OXR1: variants seen among roughly 807,000 people sequenced by gnomAD.
OXR1 encodes the protein oxidation resistance protein 1.
OXR1 carries 41 observed loss-of-function variants against 104.6 expected under a neutral mutation model. That is an observed-to-expected ratio of 0.39 (90% CI 0.31 to 0.51). The LOEUF is 0.51. Among genes scored for constraint, OXR1 ranks in the 20% least tolerant of loss-of-function variants. The probability of loss-of-function intolerance (pLI) is 0.77; values close to 1 mark genes in which losing one functional copy is unlikely to be tolerated. For missense variants in OXR1, 955 were observed against 1,031.9 expected, an observed-to-expected ratio of 0.93 and a Z score of 1.02; for synonymous variants, 348 against 348.4, an observed-to-expected ratio of 1.00 and a Z score of 0.01.
chr8:106,303,405 ATT>A (rs1813343297), intron 1 of OXR1, among the ~76,000 whole-genome samples: 1 of 149,436 alleles, frequency 6.7e-6, no homozygotes, highest in Non-Finnish European at 1.5e-5. Flanking sequence ...CGCCCGGCTA[ATT>A]TTTTGTATTT....
chr8:106,321,929 T>G (rs544399174), intron 1 of OXR1, among the ~76,000 whole-genome samples: 3 of 152,336 alleles, frequency 2.0e-5, no homozygotes, highest in African/African-American at 7.2e-5. Flanking sequence ...CAACTTTATA[T>G]ATCTTCATTA....
At position 106,752,062 on chromosome 8, in the gene OXR1, T is replaced by C. The variant is rs1835922697; in HGVS notation, c.*1121T>C. On this transcript the variant is annotated 3_prime_UTR_variant, in exon 17 of 17. Transcript: ENST00000517566. ...CACTAGTAGTTCTTATCCTCTTTTG[T>C]AGGAAACCAATAATAGCCATTGTGG... 1.3e-5 allele frequency: 2 copies of C among 152,552 alleles called. No individual in the cohort carries two copies. Among genetic ancestry groups the C allele is most frequent in the Non-Finnish European group, 2.9e-5 (2 of 67,950 alleles). The allele number at this position is 152,552 out of a possible 1,614,324, so 9.4% of individuals were successfully genotyped here.
chr8:106,341,816 A>G (rs1391764061), intron 1 of OXR1, among the ~76,000 whole-genome samples: 2 of 151,026 alleles, frequency 1.3e-5, no homozygotes, highest in Non-Finnish European at 2.9e-5. Context: ...GCCTCAGAGG[A>G]GGTTTTCTCC....
At chr8:106,660,178 C>G (rs1326010665) in intron 3 of OXR1, among the ~76,000 whole-genome samples, 2 of 152,208 alleles carry the variant, frequency 1.3e-5, no homozygotes, top group African/African-American at 4.8e-5. Flanking sequence ...TGAAAACTAG[C>G]TGACTTTTGA....
At chr8:106,388,747 A>G (rs761270944) in intron 2 of OXR1, among the ~76,000 whole-genome samples, 1 of 152,148 alleles carries the variant, frequency 6.6e-6, no homozygotes, top group Admixed American at 6.5e-5. Context: ...TTGAGCTTCA[A>G]TAGCACAGGA....
intron 3 of OXR1, among the ~76,000 whole-genome samples, chr8:106,632,235 G>A (rs778344278): frequency 6.6e-6 from 1 of 152,144 alleles, no homozygotes; most frequent in Non-Finnish European, 1.5e-5. Context: ...CCTTCAAGTG[G>A]TGTCTTCAAG....
At chr8:106,590,705 C>G (rs1252329814) in intron 3 of OXR1, among the ~76,000 whole-genome samples, 1 of 152,218 alleles carries the variant, frequency 6.6e-6, no homozygotes, top group Non-Finnish European at 1.5e-5. Context: ...TTGTACCAGC[C>G]TCTTCTTTCC....
At chr8:106,454,489 G>T (rs1213035227) in intron 2 of OXR1, among the ~76,000 whole-genome samples, 2 of 150,278 alleles carry the variant, frequency 1.3e-5, no homozygotes, top group African/African-American at 4.9e-5. Context: ...AATTATATAT[G>T]TATATATATA....
intron 1 of OXR1, among the ~76,000 whole-genome samples, chr8:106,283,216 G>T (rs1167802335): frequency 6.6e-6 from 1 of 152,208 alleles, no homozygotes; most frequent in Non-Finnish European, 1.5e-5. Context: ...TTCTCTGTGG[G>T]CTTTCTACAG....
At chr8:106,533,661 T>C (rs779716039) in intron 3 of OXR1, among the ~76,000 whole-genome samples, 5 of 152,056 alleles carry the variant, frequency 3.3e-5, no homozygotes, top group Non-Finnish European at 7.4e-5. Flanking sequence ...GGCTCAGGAC[T>C]TGAAGGCAGT....
At chr8:106,495,047 C>T (rs1811326819) in intron 2 of OXR1, among the ~76,000 whole-genome samples, 1 of 151,966 alleles carries the variant, frequency 6.6e-6, no homozygotes, top group African/African-American at 2.4e-5. Context: ...CCGATTTGCC[C>T]CTGCACACCA....
rs1818543207 is a variant in OXR1 at position 106,585,252 on chromosome 8, T to C, written c.220+66113T>C. ...ATTCTAGAATAGGGCTTCTCAGAGA[T>C]ATTTCTAGGAAAATTCTATCTAAAA... On this transcript the variant is annotated intron_variant, in intron 3 of 16. Coordinates refer to ENST00000517566, the MANE Select transcript of OXR1 (RefSeq NM_001198533.2). Among the ~76,000 whole-genome samples, 3 of 152,092 alleles carry C rather than the reference T, an allele frequency of 2.0e-5. No individual in the cohort carries two copies. In the South Asian group the frequency reaches 6.2e-4, roughly 32 times the overall value.
chr8:106,508,604 A>AC (rs1451461163), intron 2 of OXR1, among the ~76,000 whole-genome samples: 2 of 152,246 alleles, frequency 1.3e-5, no homozygotes, highest in Non-Finnish European at 1.5e-5. Flanking sequence ...ATTTTTAAAA[A>AC]CCACAAAATG....
At chr8:106,444,526 T>C (rs959336903) in intron 2 of OXR1, among the ~76,000 whole-genome samples, 1 of 152,198 alleles carries the variant, frequency 6.6e-6, no homozygotes, top group African/African-American at 2.4e-5. Context: ...AATGAGATCA[T>C]GTCCTTTGCA....
chr8:106,726,496 A>G (rs1272054350), intron 11 of OXR1, among the ~76,000 whole-genome samples: 1 of 152,224 alleles, frequency 6.6e-6, no homozygotes, highest in Non-Finnish European at 1.5e-5. Flanking sequence ...AGGGAAATTA[A>G]TAAGGGACTG....
intron 2 of OXR1, among the ~76,000 whole-genome samples, chr8:106,416,618 T>C (rs1818689095): frequency 6.6e-6 from 1 of 152,050 alleles, no homozygotes; most frequent in African/African-American, 2.4e-5. Flanking sequence ...GTGAATACCA[T>C]AGTGCACAGC....
chr8:106,522,324 C>G (rs569604550), intron 3 of OXR1, among the ~76,000 whole-genome samples: 1 of 152,248 alleles, frequency 6.6e-6, no homozygotes, highest in East Asian at 1.9e-4. Context: ...CTCCTGTATA[C>G]TGGAAATCAT....
chr8:106,595,045 G>A (rs1166714219), intron 3 of OXR1, among the ~76,000 whole-genome samples: 1 of 152,170 alleles, frequency 6.6e-6, no homozygotes, highest in African/African-American at 2.4e-5. Context: ...TTTAAATGTT[G>A]TCAATCAATT....
intron 2 of OXR1, among the ~76,000 whole-genome samples, chr8:106,438,461 A>G (rs28651376): frequency 0.23 from 34,388 of 151,984 alleles, 5,401 homozygotes; most frequent in African/African-American, 0.42. Flanking sequence ...GGATATACTG[A>G]ACTAAATAAA....
Sources: allele counts gnomAD v4.1 joint callset (sites outside exome capture counted in the v4.1 genomes callset), GRCh38; gene constraint gnomAD v4.1.1; transcripts MANE v1.5; gene names NCBI Gene and HGNC (gene_info 2026-07-23, HGNC 2026-07-21).